The following ASTN2 variants were observed in gnomAD, a reference collection of about 807,000 sequenced individuals.
ASTN2 encodes the protein astrotactin-2.
In ASTN2, 54 loss-of-function variants were observed where a neutral mutation model predicts 139.8. That is an observed-to-expected ratio of 0.39 (90% CI 0.31 to 0.48). The LOEUF is 0.48. ASTN2 is among the 20% of genes least tolerant of loss of function. The pLI, the probability that ASTN2 is intolerant of heterozygous loss-of-function variation, is 0.95. For synonymous variants in ASTN2, 756 were observed against 719.5 expected (o/e 1.05, Z -0.81); for missense variants, 1,565 against 1,725.1 (o/e 0.91, Z 1.64).
chr9:116,728,043 A>G (rs1588243998), intron 15 of ASTN2, among the ~76,000 whole-genome samples: 1 of 152,172 alleles, frequency 6.6e-6, no homozygotes, highest in East Asian at 1.9e-4. Flanking sequence ...AACCAGTGAA[A>G]GTGTTATTAG....
At chr9:116,664,673 C>A (rs1342494299) in intron 16 of ASTN2, among the ~76,000 whole-genome samples, 1 of 150,312 alleles carries the variant, frequency 6.7e-6, no homozygotes, top group Non-Finnish European at 1.5e-5. Context: ...AAATTATATA[C>A]CCACTGAAAA....
chr9:116,970,234 T>C (rs550951420), intron 10 of ASTN2, among the ~76,000 whole-genome samples: 1 of 152,238 alleles, frequency 6.6e-6, no homozygotes, highest in African/African-American at 2.4e-5. Context: ...AATAACATAA[T>C]ATTTATAGGT....
intron 5 of ASTN2, among the ~76,000 whole-genome samples, chr9:117,067,858 G>T (rs972395604): frequency 1.8e-5 from 2 of 113,086 alleles, no homozygotes; most frequent in African/African-American, 3.0e-5. Context: ...CATTGATTTT[G>T]TATGCTGAGA....
intron 2 of ASTN2, among the ~76,000 whole-genome samples, chr9:117,241,933 CACACA>C (rs1833222478): frequency 6.8e-6 from 1 of 147,208 alleles, no homozygotes; most frequent in Admixed American, 6.8e-5. Flanking sequence ...TACCCCCCCC[CACACA>C]CACACACACC....
intron 19 of ASTN2, chr9:116,579,044 G>A (rs568037272): frequency 7.3e-5 from 11 of 151,636 alleles, no homozygotes; most frequent in Non-Finnish European, 1.2e-4. Flanking sequence ...AAATAGTAGA[G>A]TCGAAAGGAA....
At chr9:116,587,618 T>C (rs1326580201) in intron 19 of ASTN2, among the ~76,000 whole-genome samples, 3 of 152,152 alleles carry the variant, frequency 2.0e-5, no homozygotes, top group Non-Finnish European at 4.4e-5. Context: ...CAAATCCTTG[T>C]AGAGTAACTG....
chr9:117,120,149 T>C (rs1185105315), intron 4 of ASTN2, among the ~76,000 whole-genome samples: 1 of 150,664 alleles, frequency 6.6e-6, no homozygotes, highest in Admixed American at 6.6e-5. Flanking sequence ...AATAAAACAC[T>C]GGACTGGAAG....
chr9:116,826,330 C>T (rs1422915214), intron 11 of ASTN2, among the ~76,000 whole-genome samples: 2 of 152,200 alleles, frequency 1.3e-5, no homozygotes, highest in Non-Finnish European at 2.9e-5. Flanking sequence ...AGGACCCCAT[C>T]CTTTCTGGTC....
Position 116,490,272 on chromosome 9 carries a change from T to TAAA in ASTN2, c.3356-2775_3356-2773dup, listed in dbSNP as rs140391473. Among the ~76,000 whole-genome samples, 59 of 37,904 alleles carry TAAA rather than the reference T, an allele frequency of 1.6e-3. 3 individuals are homozygous for TAAA. The highest frequency in any genetic ancestry group is 3.2e-3 in the African/African-American group (34 of 10,648). The allele number at this position is 37,904 out of a possible 152,430, so 24.9% of individuals were successfully genotyped here. On this transcript the variant is annotated intron_variant, in intron 19 of 22. Coordinates refer to ENST00000313400, the MANE Select transcript of ASTN2 (RefSeq NM_001365068.1). ...CCAGAGCAATGTATGTGATAAAAAGTAAAAAAAAAAAAAAAAAAAAAAAAA... is the reference window on the plus strand; with the variant it reads ...CCAGAGCAATGTATGTGATAAAAAGTAAAAAAAAAAAAAAAAAAAAAAAAAAAA...
chr9:117,398,536 C>T (rs1200408712), intron 1 of ASTN2, among the ~76,000 whole-genome samples: 1 of 152,170 alleles, frequency 6.6e-6, no homozygotes, highest in Non-Finnish European at 1.5e-5. Flanking sequence ...AATGAAAAGA[C>T]AATTTTATCA....
intron 6 of ASTN2, among the ~76,000 whole-genome samples, chr9:117,030,806 C>A (rs904368341): frequency 6.6e-6 from 1 of 151,660 alleles, no homozygotes; most frequent in Non-Finnish European, 1.5e-5. Flanking sequence ...CAGCTCCCAG[C>A]CATTGCCGAG....
At chr9:117,209,276 A>T (rs924018214) in intron 3 of ASTN2, among the ~76,000 whole-genome samples, 1 of 152,180 alleles carries the variant, frequency 6.6e-6, no homozygotes, top group Admixed American at 6.5e-5. Context: ...GGATGAAAAA[A>T]TAAGACAAAA....
At chr9:116,647,780 C>T (rs546767751) in intron 17 of ASTN2, among the ~76,000 whole-genome samples, 13 of 152,180 alleles carry the variant, frequency 8.5e-5, no homozygotes, top group Non-Finnish European at 1.9e-4. Flanking sequence ...TACATCCTCA[C>T]TGATACAACA....
intron 7 of ASTN2, among the ~76,000 whole-genome samples, chr9:117,001,928 A>C (rs1222908587): frequency 1.3e-5 from 2 of 152,168 alleles, no homozygotes; most frequent in East Asian, 3.9e-4. Flanking sequence ...TTCCCATAAC[A>C]CTCAACACAC....
At chr9:116,838,177 T>C (rs1832073742) in intron 11 of ASTN2, among the ~76,000 whole-genome samples, 1 of 149,398 alleles carries the variant, frequency 6.7e-6, no homozygotes, top group Admixed American at 6.8e-5. Flanking sequence ...TGGTGCAATC[T>C]CGGCTCACTA....
At chr9:117,206,317 A>G (rs1354674956) in intron 3 of ASTN2, among the ~76,000 whole-genome samples, 1 of 152,176 alleles carries the variant, frequency 6.6e-6, no homozygotes, top group African/African-American at 2.4e-5. Flanking sequence ...GGAAAAGATA[A>G]GCAGAAGATC....
intron 13 of ASTN2, among the ~76,000 whole-genome samples, chr9:116,794,615 A>G (rs1304053503): frequency 6.6e-6 from 1 of 152,164 alleles, no homozygotes; most frequent in Non-Finnish European, 1.5e-5. Context: ...GTGGCCTTGA[A>G]TGCCATGCTT....
chr9:117,200,996 CTTTTTTTTTT>C (rs777675838), intron 3 of ASTN2, among the ~76,000 whole-genome samples: 2 of 94,972 alleles, frequency 2.1e-5, no homozygotes, highest in African/African-American at 4.2e-5. Context: ...TGGTCCTGGG[CTTTTTTTTTT>C]TTTTTTTTTG....
intron 22 of ASTN2, among the ~76,000 whole-genome samples, chr9:116,430,036 T>C (rs540545192): frequency 2.1e-4 from 32 of 152,304 alleles, no homozygotes; most frequent in African/African-American, 7.2e-4. Flanking sequence ...CCAGTGAGCT[T>C]GGCAGGGATC....
Sources: gnomAD v4.1 joint callset for allele counts (sites outside exome capture counted in the v4.1 genomes callset) on GRCh38, gnomAD v4.1.1 for gene constraint, MANE v1.5 for transcripts, NCBI Gene and HGNC (gene_info 2026-07-23, HGNC 2026-07-21) for gene names.